The following PLEKHH2 variants were observed in gnomAD, a reference collection of about 807,000 sequenced individuals.
PLEKHH2 encodes pleckstrin homology domain-containing family H member 2.
Under a neutral mutation model 187.9 loss-of-function variants are expected in PLEKHH2, and 129 were observed. That is an observed-to-expected ratio of 0.69 (90% CI 0.59 to 0.79). The LOEUF (loss-of-function observed/expected upper bound fraction) is 0.79. Ranked by LOEUF, PLEKHH2 falls within the 30% of genes least tolerant of loss-of-function variation. The pLI is 0.00. For missense variants in PLEKHH2, 2,076 were observed against 1,751.2 expected (o/e 1.19, Z -3.31); for synonymous variants, 686 against 605.6 (o/e 1.13, Z -1.95).
chr2:43,746,946 G>T (rs373100529), intron 24 of PLEKHH2, among the ~76,000 whole-genome samples: 1 of 151,478 alleles, frequency 6.6e-6, no homozygotes, highest in Non-Finnish European at 1.5e-5. Context: ...CTCCAGCCTG[G>T]ACGACAAAGC....
intron 3 of PLEKHH2, chr2:43,681,258 T>G (rs1211140137): frequency 6.0e-6 from 4 of 666,962 alleles, no homozygotes; most frequent in Non-Finnish European, 1.0e-5. Flanking sequence ...ACAATCCTCC[T>G]GTGGAGGTCC....
chr2:43,651,903 T>A (rs7597672), intron 2 of PLEKHH2, among the ~76,000 whole-genome samples: 34,155 of 152,202 alleles, frequency 0.22, 4,187 homozygotes, highest in Middle Eastern at 0.32. Flanking sequence ...ATTATTTTCC[T>A]GTTTTTATGT....
At chr2:43,650,650 CTTTTTTTTTTT>C (rs111734015) in intron 2 of PLEKHH2, among the ~76,000 whole-genome samples, 1 of 141,462 alleles carries the variant, frequency 7.1e-6, no homozygotes, top group African/African-American at 2.6e-5. Context: ...TTTCTTTTTT[CTTTTTTTTTTT>C]TTAAGTTGAA....
chr2:43,729,661 G>A lies in PLEKHH2; in HGVS notation c.2746G>A (p.Val916Ile). 1.2e-6 allele frequency: 2 copies of A among 1,605,638 alleles called. No individual in the cohort carries two copies. The highest frequency in any genetic ancestry group is 1.7e-6 in the Non-Finnish European group (2 of 1,177,026). Residue 916 changes from valine (V) to isoleucine (I), a missense_variant, in exon 18 of 30, where the codon GTT (valine) becomes ATT (isoleucine). Val to Ile is a conservative substitution (Grantham distance 29). Coordinates refer to ENST00000282406, the MANE Select transcript of PLEKHH2 (RefSeq NM_172069.4). ...GGACACTTGGCTTTATCATCTGACT[G>A]TTGCAGCTGGAAGCAACAATGTAAA... ...EKDTWLYHLTVAAGSNNVNVG... is the reference protein window; with the variant it reads ...EKDTWLYHLTIAAGSNNVNVG...
intron 22 of PLEKHH2, among the ~76,000 whole-genome samples, chr2:43,743,441 A>C (rs1196730028): frequency 1.3e-5 from 2 of 152,224 alleles, no homozygotes; most frequent in African/African-American, 4.8e-5. Context: ...TTAAAGAAAC[A>C]AACATTAAAT....
chr2:43,672,878 TC>T (rs1178592191), intron 2 of PLEKHH2, among the ~76,000 whole-genome samples: 2 of 152,208 alleles, frequency 1.3e-5, no homozygotes, highest in African/African-American at 2.4e-5. Flanking sequence ...CAACTCCTTG[TC>T]CTTGGTTTAT....
chr2:43,700,205 T>C lies in PLEKHH2; in HGVS notation c.1247T>C (p.Met416Thr). The C allele has an allele frequency of 6.2e-7, 1 of 1,614,154 alleles. No individual in the cohort carries two copies. The highest frequency in any genetic ancestry group is 1.1e-5 in the South Asian group (1 of 91,078). ...TPSPILTPALMPKHPNSLSGK... is the reference protein window; with the variant it reads ...TPSPILTPALTPKHPNSLSGK... Reference sequence around the variant, plus strand: ...AGCCCTATTTTGACCCCAGCTTTAATGCCAAAGCATCCTAACTCACTCTCT... The same window carrying C: ...AGCCCTATTTTGACCCCAGCTTTAACGCCAAAGCATCCTAACTCACTCTCT... Residue 416 changes from methionine to threonine, a missense_variant, in exon 8 of 30, where the codon ATG (methionine) becomes ACG (threonine). Physicochemically the swap from Met to Thr is moderately conservative, Grantham distance 81. Coordinates refer to ENST00000282406, the MANE Select transcript of PLEKHH2 (RefSeq NM_172069.4).
intron 2 of PLEKHH2, among the ~76,000 whole-genome samples, chr2:43,666,017 C>A (rs1048992724): frequency 5.8e-4 from 85 of 146,340 alleles, no homozygotes; most frequent in Non-Finnish European, 3.3e-4. Flanking sequence ...TCGAGCTTCC[C>A]GGCTGCTTTG....
chr2:43,686,960 C>T (rs1338058146), intron 3 of PLEKHH2, among the ~76,000 whole-genome samples: 2 of 120,200 alleles, frequency 1.7e-5, no homozygotes, highest in Admixed American at 1.6e-4. Context: ...CTGGCCATGT[C>T]CCCCCTTCTC....
Position 43,759,003 on chromosome 2 carries a change from T to A in PLEKHH2, c.4045T>A (p.Phe1349Ile). The change falls in exon 27 of 30, where the codon TTT becomes ATT. Residue 1349 changes from phenylalanine to isoleucine, a missense_variant. Phe to Ile is a conservative substitution (Grantham distance 21). Transcript: ENST00000282406. Reference sequence around the variant, plus strand: ...GACAGTAGCCAGGAAGTGGCCATTCTTTGGTGCCAAGTTGTTTCTTGCAAA... The same window carrying A: ...GACAGTAGCCAGGAAGTGGCCATTCATTGGTGCCAAGTTGTTTCTTGCAAA... The part of the protein sequence containing the change: ...YLTVARKWPF[F>I]GAKLFLAKPI... The A allele has an allele frequency of 6.2e-7, 1 of 1,612,878 alleles. No individual in the cohort carries two copies. Among genetic ancestry groups the A allele is most frequent in the South Asian group, 1.1e-5 (1 of 90,934 alleles).
At chr2:43,751,631 A>AC (rs1479358875) in intron 24 of PLEKHH2, among the ~76,000 whole-genome samples, 1 of 151,908 alleles carries the variant, frequency 6.6e-6, no homozygotes, top group East Asian at 1.9e-4. Context: ...ATTTGGGAAT[A>AC]CCCCCGCGAG....
intron 16 of PLEKHH2, among the ~76,000 whole-genome samples, chr2:43,724,830 T>C (rs1329719965): frequency 1.3e-5 from 2 of 152,218 alleles, no homozygotes; most frequent in African/African-American, 2.4e-5. Flanking sequence ...AATGACTGTT[T>C]TGGTGAATTA....
Position 43,740,773 on chromosome 2 carries a change from G to A in PLEKHH2, c.3124-173G>A, listed in dbSNP as rs1333578249. The A allele has an allele frequency of 6.6e-6, 8 of 1,204,038 alleles. No individual in the cohort carries two copies. In the South Asian group the frequency reaches 1.3e-4, roughly 20 times the overall value. The allele number at this position is 1,204,038 out of a possible 1,614,324, so 74.6% of individuals were successfully genotyped here. On this transcript the variant is annotated intron_variant, in intron 20 of 29. Coordinates refer to ENST00000282406, the MANE Select transcript of PLEKHH2 (RefSeq NM_172069.4). ...AGATGGATCATAGATCTGACCCAAT[G>A]TAGAGTTTTTTGTTTTTAACCTATG...
chr2:43,675,945 G>A (rs372909025), intron 2 of PLEKHH2: 167 of 1,613,980 alleles, frequency 1.0e-4, no homozygotes, highest in Non-Finnish European at 1.4e-4. Context: ...TTTCAAAGAC[G>A]TATTTGTAAG....
chr2:43,692,564 A>G lies in PLEKHH2; in HGVS notation c.237A>G (p.Glu79=). The G allele has an allele frequency of 1.3e-6, 2 of 1,597,034 alleles. No homozygotes were observed. Among genetic ancestry groups the G allele is most frequent in the Non-Finnish European group, 1.7e-6 (2 of 1,165,588 alleles). ...AAGCAGCTAATATTCAAACCAGTGAATCAGAGACAAGATTATATAATAAGT... is the reference window on the plus strand; with the variant it reads ...AAGCAGCTAATATTCAAACCAGTGAGTCAGAGACAAGATTATATAATAAGT... ...KLKAANIQTS[E]SETRLYNKCQ... Residue 79 remains glutamate (E), a synonymous_variant, in exon 4 of 30, where the codon GAA becomes GAG. Transcript: ENST00000282406.
intron 2 of PLEKHH2, among the ~76,000 whole-genome samples, chr2:43,656,508 G>C (rs1364793493): frequency 6.6e-6 from 1 of 152,022 alleles, no homozygotes; most frequent in East Asian, 1.9e-4. Flanking sequence ...GCTTCCAGTG[G>C]AATGATGACC....
intron 2 of PLEKHH2, among the ~76,000 whole-genome samples, chr2:43,672,276 A>T (rs1667531643): frequency 6.6e-6 from 1 of 151,926 alleles, no homozygotes; most frequent in African/African-American, 2.4e-5. Flanking sequence ...TTTTTGCTTT[A>T]TTGGTCTGGT....
intron 2 of PLEKHH2, chr2:43,675,328 A>G (rs1057074172): frequency 1.5e-6 from 2 of 1,351,952 alleles, no homozygotes; most frequent in African/African-American, 1.5e-5. Context: ...TGGACTAGCC[A>G]CATTTCAAGT....
intron 2 of PLEKHH2, among the ~76,000 whole-genome samples, chr2:43,678,647 C>T (rs966028762): frequency 2.0e-5 from 3 of 148,398 alleles, no homozygotes; most frequent in Admixed American, 6.8e-5. Context: ...TGCAGTGAGC[C>T]GAGATGGCAG....
Sources: gnomAD v4.1 joint callset for allele counts (sites outside exome capture counted in the v4.1 genomes callset) on GRCh38, gnomAD v4.1.1 for gene constraint, MANE v1.5 for transcripts, NCBI Gene and HGNC (gene_info 2026-07-23, HGNC 2026-07-21) for gene names.